Variants in ITPR2 observed in about 807,000 individuals in gnomAD.
ITPR2 encodes the protein inositol 1,4,5-trisphosphate-gated calcium channel ITPR2.
ITPR2 carries 207 observed loss-of-function variants against 317.1 expected under a neutral mutation model. The ratio of observed to expected loss-of-function variants is 0.65; its 90% confidence interval spans 0.58 to 0.73. The LOEUF (loss-of-function observed/expected upper bound fraction) is 0.73, where lower values mean the gene tolerates loss of function less well. Ranked by LOEUF, ITPR2 falls within the 30% of genes least tolerant of loss-of-function variation. The pLI is 0.00. For synonymous variants in ITPR2, 1,156 were observed against 1,149.1 expected (o/e 1.01, Z -0.12); for missense variants, 2,613 against 3,284.0 (o/e 0.80, Z 4.99).
intron 54 of ITPR2, among the ~76,000 whole-genome samples, chr12:26,394,904 T>C (rs7138738): frequency 0.04 from 6,015 of 152,086 alleles, 309 homozygotes; most frequent in African/African-American, 0.12. Context: ...CATGATGGTG[T>C]GGTTCCCTCA....
chr12:26,476,409 G>A (rs887648886), intron 44 of ITPR2, among the ~76,000 whole-genome samples: 33 of 152,136 alleles, frequency 2.2e-4, no homozygotes, highest in Non-Finnish European at 4.7e-4. Context: ...TCTACAATAG[G>A]AAGACACACT....
intron 31 of ITPR2, 70 bp from the exon 32 acceptor site, chr12:26,595,660 A>T (rs1287297406): frequency 2.4e-6 from 3 of 1,248,114 alleles, no homozygotes; most frequent in Non-Finnish European, 3.3e-6. Flanking sequence ...CAATTATGAA[A>T]GGTTAACATA....
chr12:26,493,434 A>C (rs902014959), intron 39 of ITPR2, among the ~76,000 whole-genome samples: 1 of 152,186 alleles, frequency 6.6e-6, no homozygotes, highest in Non-Finnish European at 1.5e-5. Context: ...CAAACCTAGA[A>C]AGAGCAGGCT....
chr12:26,720,422 G>A (rs1159780980), intron 5 of ITPR2, among the ~76,000 whole-genome samples: 5 of 152,138 alleles, frequency 3.3e-5, no homozygotes, highest in Non-Finnish European at 7.3e-5. Flanking sequence ...TTGAACCACT[G>A]GTTATGAAGT....
chr12:26,770,235 C>A lies in ITPR2; in HGVS notation c.163+19922G>T, dbSNP rs577864765. Among the ~76,000 whole-genome samples, 3 of 152,322 alleles carry A rather than the reference C, an allele frequency of 2.0e-5. No individual in the cohort carries two copies. The East Asian group carries it at 5.8e-4, about 29-fold the overall frequency. ...TAAGGTCTTTCTCCATCTTCCCACACAGGCAGCCTTAGAGGTGAAAAAAGT... is the reference window on the plus strand; with the variant it reads ...TAAGGTCTTTCTCCATCTTCCCACAAAGGCAGCCTTAGAGGTGAAAAAAGT... On this transcript the variant is annotated intron_variant, in intron 2 of 56. Transcript: ENST00000381340.
intron 1 of ITPR2, among the ~76,000 whole-genome samples, chr12:26,806,901 C>T (rs1185494522): frequency 6.6e-6 from 1 of 152,134 alleles, no homozygotes; most frequent in African/African-American, 2.4e-5. Context: ...TTGAATCACC[C>T]TAAGGGTGTT....
At chr12:26,441,022 CA>C (rs1349165426) in intron 46 of ITPR2, among the ~76,000 whole-genome samples, 1 of 152,070 alleles carries the variant, frequency 6.6e-6, no homozygotes, top group Non-Finnish European at 1.5e-5. Context: ...ACATGAACCC[CA>C]ACAGGTAAGA....
At chr12:26,556,572 G>GTT (rs1944669896) in intron 35 of ITPR2, among the ~76,000 whole-genome samples, 197 bp from the exon 36 acceptor site, 1 of 138,550 alleles carries the variant, frequency 7.2e-6, no homozygotes, top group African/African-American at 3.2e-5. Context: ...TTTTTTGTGT[G>GTT]TGTGTGTGTG....
chr12:26,660,915 T>C (rs918200289), intron 15 of ITPR2, among the ~76,000 whole-genome samples: 1 of 151,470 alleles, frequency 6.6e-6, no homozygotes, highest in African/African-American at 2.4e-5. Context: ...TAGGTGAAGA[T>C]AAAGAAAAAC....
intron 10 of ITPR2, among the ~76,000 whole-genome samples, chr12:26,690,802 CAGTT>C: frequency 6.6e-6 from 1 of 152,264 alleles, no homozygotes; most frequent in East Asian, 1.9e-4. Flanking sequence ...AAAAACTCAC[CAGTT>C]AGGGTTAATT....
chr12:26,480,338 A>T lies in ITPR2; in HGVS notation c.6123+793T>A, dbSNP rs144633744. ...TAAACTAAAGAAACCTCTTAAAGAC[A>T]GTGTGGATATCACTGAAAGTATTTT... On this transcript the variant is annotated intron_variant, in intron 43 of 56. Transcript: ENST00000381340. 5.0e-4 allele frequency among the ~76,000 whole-genome samples: 76 copies of T among 152,344 alleles called. 2 individuals carry two copies. The highest frequency in any genetic ancestry group is 1.7e-3 in the African/African-American group (71 of 41,590).
At chr12:26,469,169 T>C (rs1482887428) in intron 45 of ITPR2, among the ~76,000 whole-genome samples, 1 of 152,238 alleles carries the variant, frequency 6.6e-6, no homozygotes, top group Non-Finnish European at 1.5e-5. Flanking sequence ...TACACTTCAT[T>C]GTGAGCTTCT....
chr12:26,475,433 A>G lies in ITPR2; in HGVS notation c.6220-15T>C. ...ATCACATCCACCTATCCAAAAAAAA[A>G]AAGAATATTGAAATGCCAGAAACAA... On this transcript the variant is annotated splice_polypyrimidine_tract_variant and intron_variant, in intron 44 of 56. Transcript: ENST00000381340. 6.3e-7 allele frequency: 1 copy of G among 1,599,702 alleles called. No homozygotes were observed. The highest frequency in any genetic ancestry group is 8.5e-7 in the Non-Finnish European group (1 of 1,176,304).
chr12:26,604,255 C>G (rs1946069533), intron 26 of ITPR2, among the ~76,000 whole-genome samples: 1 of 152,176 alleles, frequency 6.6e-6, no homozygotes, highest in Admixed American at 6.5e-5. Flanking sequence ...TTTTCTTTTG[C>G]TTCTTTTCTG....
At position 26,359,192 on chromosome 12, in the gene ITPR2, C is replaced by T. The variant is rs1247530223; in HGVS notation, c.7858-18864G>A. Among the ~76,000 whole-genome samples the T allele has an allele frequency of 4.6e-5, 7 of 152,184 alleles. No individual in the cohort carries two copies. In the South Asian group the frequency reaches 8.3e-4, roughly 18 times the overall value. On this transcript the variant is annotated intron_variant, in intron 55 of 56. Coordinates refer to ENST00000381340, the MANE Select transcript of ITPR2 (RefSeq NM_002223.4). ...TGCTAGCTGAATAAGTGAAGAAATA[C>T]AGAGGTCAAAATGGAAGAAAGTGTC...
intron 37 of ITPR2, among the ~76,000 whole-genome samples, chr12:26,503,181 C>T (rs1282706226): frequency 1.2e-4 from 3 of 24,122 alleles, no homozygotes; most frequent in African/African-American, 1.8e-4. Flanking sequence ...AGACCCACTG[C>T]CCCCCACCAA....
intron 26 of ITPR2, among the ~76,000 whole-genome samples, chr12:26,610,649 A>G (rs931185559): frequency 3.9e-5 from 6 of 152,224 alleles, no homozygotes; most frequent in Non-Finnish European, 7.3e-5. Context: ...ATGTCAACCA[A>G]AAAACTCAAT....
intron 10 of ITPR2, among the ~76,000 whole-genome samples, chr12:26,690,036 C>A (rs1948205325): frequency 6.6e-6 from 1 of 152,130 alleles, no homozygotes; most frequent in Admixed American, 6.6e-5. Flanking sequence ...CACAAGCACA[C>A]TGAGTGTTGT....
chr12:26,375,046 G>A (rs917296714), intron 55 of ITPR2, among the ~76,000 whole-genome samples: 3 of 152,160 alleles, frequency 2.0e-5, no homozygotes, highest in African/African-American at 2.4e-5. Flanking sequence ...GACAGAATTC[G>A]TGTGGCTTTA....
Sources: gnomAD v4.1 joint callset for allele counts (sites outside exome capture counted in the v4.1 genomes callset) on GRCh38, gnomAD v4.1.1 for gene constraint, MANE v1.5 for transcripts, NCBI Gene and HGNC (gene_info 2026-07-23, HGNC 2026-07-21) for gene names.